Variants in TNNI3K observed in about 807,000 individuals in gnomAD.
The protein encoded by TNNI3K is serine/threonine-protein kinase TNNI3K.
A neutral mutation model predicts 114.5 loss-of-function variants in TNNI3K; 140 were observed. That is an observed-to-expected ratio of 1.22 (90% CI 1.07 to 1.41). The LOEUF is 1.41. Ranked by LOEUF, TNNI3K falls within the 40% of genes most tolerant of loss-of-function variation. TNNI3K has a pLI of 0.00. For missense variants in TNNI3K, 1,125 were observed against 1,007.6 expected (o/e 1.12, Z -1.58); for synonymous variants, 347 against 347.5 (o/e 1.00, Z 0.02).
At chr1:74,327,079 C>CA (rs552823540) in intron 5 of TNNI3K, among the ~76,000 whole-genome samples, 2,002 of 63,836 alleles carry the variant, frequency 0.031, 47 homozygotes, top group African/African-American at 0.093. Context: ...GACTCCGTGT[C>CA]AAAAAAAAAA....
intron 9 of TNNI3K, among the ~76,000 whole-genome samples, chr1:74,348,541 A>G (rs567191658): frequency 2.6e-4 from 39 of 152,208 alleles, no homozygotes; most frequent in Non-Finnish European, 5.4e-4. Context: ...GAAGAAAGTC[A>G]TTGGTAGCTT....
At chr1:74,249,114 G>A (rs1654769432) in intron 2 of TNNI3K, among the ~76,000 whole-genome samples, 1 of 151,494 alleles carries the variant, frequency 6.6e-6, no homozygotes, top group African/African-American at 2.4e-5. Flanking sequence ...TACTAACAGT[G>A]ACTCTCAGGT....
At chr1:74,487,914 G>C (rs761292701) in intron 21 of TNNI3K, among the ~76,000 whole-genome samples, 17 of 152,132 alleles carry the variant, frequency 1.1e-4, no homozygotes, top group Non-Finnish European at 2.2e-4. Context: ...TAAAGATTGA[G>C]AGGTTAAAGA....
chr1:74,276,587 T>C (rs1656699939), intron 5 of TNNI3K, among the ~76,000 whole-genome samples: 1 of 152,042 alleles, frequency 6.6e-6, no homozygotes, highest in African/African-American at 2.4e-5. Flanking sequence ...TCCACTCCTA[T>C]TTTTTATTAT....
chr1:74,236,746 TC>T (rs1653880509), intron 2 of TNNI3K, among the ~76,000 whole-genome samples: 1 of 151,768 alleles, frequency 6.6e-6, no homozygotes, highest in Non-Finnish European at 1.5e-5. Context: ...TAGATTTTGT[TC>T]CATGATAACA....
intron 9 of TNNI3K, chr1:74,345,862 T>C (rs1660972798): frequency 6.6e-6 from 1 of 152,218 alleles, no homozygotes. Context: ...AAAATCTTTT[T>C]CTCAATGCAT....
chr1:74,442,890 CA>C (rs1666439582), intron 20 of TNNI3K, among the ~76,000 whole-genome samples: 1 of 150,526 alleles, frequency 6.6e-6, no homozygotes. Flanking sequence ...CATGAAAATT[CA>C]AAACCTGCTT....
chr1:74,263,424 A>G (rs972734508), intron 4 of TNNI3K, among the ~76,000 whole-genome samples: 1 of 152,024 alleles, frequency 6.6e-6, no homozygotes, highest in Non-Finnish European at 1.5e-5. Context: ...ACAACGCTTG[A>G]TATATATACT....
intron 10 of TNNI3K, 44 bp downstream of exon 10, chr1:74,353,404 A>T: frequency 6.2e-7 from 1 of 1,602,788 alleles, no homozygotes; most frequent in Non-Finnish European, 8.5e-7. Flanking sequence ...ATGCTTATCA[A>T]TGATTAAGAA....
intron 24 of TNNI3K, among the ~76,000 whole-genome samples, chr1:74,541,933 C>T (rs1286464342): frequency 6.6e-6 from 1 of 152,188 alleles, no homozygotes; most frequent in Non-Finnish European, 1.5e-5. Context: ...CCTGCTTTGC[C>T]GCCAAAGAGC....
At chr1:74,480,488 C>G (rs899218527) in intron 21 of TNNI3K, 3 of 717,372 alleles carry the variant, frequency 4.2e-6, no homozygotes, top group Non-Finnish European at 7.8e-6. Flanking sequence ...TAACCTATTT[C>G]GGGAAAGGTC....
rs1227515400 is a variant in TNNI3K at position 74,353,247 on chromosome 1, T to C, written c.933-19T>C. On this transcript the variant is annotated intron_variant, in intron 9 of 24. Transcript: ENST00000326637. The stretch of plus-strand genomic sequence containing the variant: ...ACAAGGACCTTCTATCTTTCTTGTT[T>C]TATGGTTTTTTTTTTCAGTGCTTGT... The C allele has an allele frequency of 6.2e-7, 1 of 1,604,962 alleles. No homozygotes were observed. Among genetic ancestry groups the C allele is most frequent in the Non-Finnish European group, 8.5e-7 (1 of 1,177,566 alleles).
chr1:74,420,548 A>G (rs187545880), intron 17 of TNNI3K, among the ~76,000 whole-genome samples: 1 of 152,220 alleles, frequency 6.6e-6, no homozygotes, highest in African/African-American at 2.4e-5. Flanking sequence ...TTAAATACCA[A>G]CATACATCTC....
At chr1:74,531,816 A>C (rs544509373) in intron 23 of TNNI3K, among the ~76,000 whole-genome samples, 3 of 152,336 alleles carry the variant, frequency 2.0e-5, no homozygotes, top group African/African-American at 7.2e-5. Context: ...AAGTGTGCAT[A>C]TGGCATTGAT....
rs758469235 is a variant in TNNI3K at position 74,353,363 on chromosome 1, A to G, written c.1027+3A>G. ...CCAAGGAAGGGATGGGCACACTGGT[A>G]AGACTGTGGTGAAAACACCACTAGT... On this transcript the variant is annotated splice_donor_region_variant and intron_variant, in intron 10 of 24. Coordinates refer to ENST00000326637, the MANE Select transcript of TNNI3K (RefSeq NM_015978.3). 1.9e-6 allele frequency: 3 copies of G among 1,613,212 alleles called. No homozygotes were observed. Among genetic ancestry groups the G allele is most frequent in the East Asian group, 4.5e-5 (2 of 44,842 alleles).
At position 74,485,909 on chromosome 1, in the gene TNNI3K, C is replaced by T. The variant is rs1668734489; in HGVS notation, c.2122-3280C>T. Among the ~76,000 whole-genome samples the T allele has an allele frequency of 3.3e-5, 5 of 152,200 alleles. No individual in the cohort carries two copies. In the East Asian group the frequency reaches 9.7e-4, roughly 29 times the overall value. On this transcript the variant is annotated intron_variant, in intron 21 of 24. Coordinates refer to ENST00000326637, the MANE Select transcript of TNNI3K (RefSeq NM_015978.3). ...AACAACCAATGCGCTTAAAAGAGGC[C>T]TTGAGCCTCAGATGAGAATCACAGT...
chr1:74,359,874 A>G (rs776237804), intron 11 of TNNI3K, among the ~76,000 whole-genome samples: 5 of 150,414 alleles, frequency 3.3e-5, no homozygotes, highest in Non-Finnish European at 7.4e-5. Context: ...TGAACTTAAC[A>G]TTTTTTTTTG....
intron 4 of TNNI3K, among the ~76,000 whole-genome samples, chr1:74,259,689 C>G (rs944753518): frequency 6.6e-6 from 1 of 152,156 alleles, no homozygotes; most frequent in East Asian, 1.9e-4. Flanking sequence ...GGGAGAATCA[C>G]TTGAAGTCAG....
intron 7 of TNNI3K, chr1:74,341,701 C>T (rs1328002016): frequency 1.3e-5 from 2 of 152,040 alleles, no homozygotes; most frequent in East Asian, 3.9e-4. Context: ...TTGAAATTCT[C>T]ACAGTGAGGA....
Sources: allele counts gnomAD v4.1 joint callset (sites outside exome capture counted in the v4.1 genomes callset), GRCh38; gene constraint gnomAD v4.1.1; transcripts MANE v1.5; gene names NCBI Gene and HGNC (gene_info 2026-07-23, HGNC 2026-07-21).